The following EEIG1 variants were observed in gnomAD, a reference collection of about 807,000 sequenced individuals.
EEIG1 encodes early estrogen-induced gene 1 protein.
the EEIG1 span, among the ~76,000 whole-genome samples, chr9:127,966,874 C>G: frequency 0.6 from 91,944 of 152,150 alleles, 31,261 homozygotes; most frequent in Non-Finnish European, 0.77. Flanking sequence ...TGGGAGGTAA[C>G]GGGTGGTCTG....
the EEIG1 span, chr9:127,953,932 G>T: frequency 6.2e-7 from 1 of 1,613,502 alleles, no homozygotes; most frequent in Non-Finnish European, 8.5e-7. Context: ...CTCCCTGTGG[G>T]CCAGAGGCGA....
chr9:127,964,153 CAT>C, the EEIG1 span, among the ~76,000 whole-genome samples: 1 of 152,144 alleles, frequency 6.6e-6, no homozygotes, highest in African/African-American at 2.4e-5. Flanking sequence ...CGGGGAGCCC[CAT>C]CTTGGTGAGC....
chr9:127,951,324 G>A, the EEIG1 span, among the ~76,000 whole-genome samples: 504 of 152,300 alleles, frequency 3.3e-3, 3 homozygotes, highest in Middle Eastern at 0.01. Flanking sequence ...AGATACAACA[G>A]GCTCAGAAGA....
chr9:127,944,154 G>A, the EEIG1 span: 28 of 199,928 alleles, frequency 1.4e-4, 1 homozygote, highest in Admixed American at 6.1e-4. Context: ...TGTGGATGCT[G>A]TGTAGGCAGC....
chr9:127,947,573 G>A, the EEIG1 span, among the ~76,000 whole-genome samples: 1 of 152,168 alleles, frequency 6.6e-6, no homozygotes, highest in South Asian at 2.1e-4. Flanking sequence ...AGAACACTGA[G>A]ACAGAGAGAC....
At chr9:127,971,550 G>T in the EEIG1 span, among the ~76,000 whole-genome samples, 1 of 150,598 alleles carries the variant, frequency 6.6e-6, no homozygotes, top group African/African-American at 2.4e-5. Context: ...TGCGGGGCGG[G>T]GGGGCGGGTC....
chr9:127,964,425 G>A, the EEIG1 span, among the ~76,000 whole-genome samples: 2 of 152,196 alleles, frequency 1.3e-5, no homozygotes, highest in Admixed American at 1.3e-4. Context: ...GGTGACGTGG[G>A]GCCAGGTGCC....
At chr9:127,967,635 C>T in the EEIG1 span, among the ~76,000 whole-genome samples, 12 of 152,332 alleles carry the variant, frequency 7.9e-5, 1 homozygote, top group East Asian at 1.2e-3. Context: ...TGGCTCTGCT[C>T]GGGGGACTTC....
chr9:127,966,992 C>T, the EEIG1 span, among the ~76,000 whole-genome samples: 8 of 152,210 alleles, frequency 5.3e-5, no homozygotes, highest in Non-Finnish European at 1.0e-4. Flanking sequence ...GTGGCATGGG[C>T]ATCTGTCACG....
chr9:127,942,005 G>A, the EEIG1 span: 2 of 152,694 alleles, frequency 1.3e-5, no homozygotes, highest in Non-Finnish European at 2.9e-5. Flanking sequence ...AAGGACTTGG[G>A]GGAAAGTGCT....
At chr9:127,966,549 G>A in the EEIG1 span, among the ~76,000 whole-genome samples, 1 of 152,054 alleles carries the variant, frequency 6.6e-6, no homozygotes, top group Non-Finnish European at 1.5e-5. Flanking sequence ...GTCAGGTTGT[G>A]CAGATGCCTT....
At chr9:127,955,169 A>G in the EEIG1 span, among the ~76,000 whole-genome samples, 16 of 152,196 alleles carry the variant, frequency 1.1e-4, no homozygotes, top group Non-Finnish European at 2.1e-4. Flanking sequence ...AAGTGACCCG[A>G]GGAGAGTGGG....
chr9:127,951,585 G>A, the EEIG1 span, among the ~76,000 whole-genome samples: 8 of 152,130 alleles, frequency 5.3e-5, no homozygotes, highest in African/African-American at 1.9e-4. Flanking sequence ...GGAGGCCAAG[G>A]CAGGCGGATC....
At chr9:127,963,477 A>G in the EEIG1 span, among the ~76,000 whole-genome samples, 1 of 152,234 alleles carries the variant, frequency 6.6e-6, no homozygotes, top group African/African-American at 2.4e-5. Flanking sequence ...ATACAATTAG[A>G]CATGTAAATC....
chr9:127,940,699 G>A, the EEIG1 span: 274 of 152,038 alleles, frequency 1.8e-3, no homozygotes, highest in African/African-American at 6.4e-3. Context: ...AACAAACACA[G>A]CCCACTCAAG....
chr9:127,969,742 C>T, the EEIG1 span, among the ~76,000 whole-genome samples: 1 of 152,138 alleles, frequency 6.6e-6, no homozygotes, highest in Non-Finnish European at 1.5e-5. Flanking sequence ...GGATGAGTTA[C>T]TGCCTCATAA....
chr9:127,967,792 G>A, the EEIG1 span, among the ~76,000 whole-genome samples: 13 of 149,572 alleles, frequency 8.7e-5, no homozygotes, highest in Non-Finnish European at 1.9e-4. Context: ...TCACAGAGTT[G>A]CTACAGGACC....
chr9:127,976,755 G>A, the EEIG1 span, among the ~76,000 whole-genome samples: 13 of 152,202 alleles, frequency 8.5e-5, no homozygotes, highest in African/African-American at 2.4e-4. The surrounding 1 kb of genome is among the most constrained non-coding windows in gnomAD (Gnocchi z 4.1). Context: ...CTCCAGCCAG[G>A]ACGGCAGGTG....
At chr9:127,962,013 G>A in the EEIG1 span, among the ~76,000 whole-genome samples, 1 of 152,182 alleles carries the variant, frequency 6.6e-6, no homozygotes. Context: ...AGCAGCAGAA[G>A]TTGGGCAAAA....
Sources: allele counts gnomAD v4.1 joint callset (sites outside exome capture counted in the v4.1 genomes callset), GRCh38; gene constraint gnomAD v4.1.1; non-coding constraint Gnocchi (gnomAD v3.1); transcripts MANE v1.5; gene names NCBI Gene and HGNC (gene_info 2026-07-23, HGNC 2026-07-21).